NPHP4: variants seen among roughly 807,000 people sequenced by gnomAD.
The protein encoded by NPHP4 is nephrocystin-4.
Under a neutral mutation model 155.8 loss-of-function variants are expected in NPHP4, and 151 were observed. That is an observed-to-expected ratio of 0.97 (90% confidence interval 0.85 to 1.11). NPHP4 has a LOEUF of 1.11. NPHP4 is among the 50% of genes least tolerant of loss of function. The pLI is 0.00. For missense variants in NPHP4, 1,956 were observed against 1,925.7 expected, an observed-to-expected ratio of 1.02 and a Z score of -0.29; for synonymous variants, 845 against 816.8, an observed-to-expected ratio of 1.03 and a Z score of -0.59.
chr1:5,870,508 A>C (rs184196087), intron 23 of NPHP4, among the ~76,000 whole-genome samples: 16 of 152,340 alleles, frequency 1.1e-4, no homozygotes, highest in African/African-American at 3.1e-4. Context: ...GGGCCAGGTC[A>C]TCAGTGCACA....
At chr1:5,981,974 T>C (rs904913831) in intron 2 of NPHP4, among the ~76,000 whole-genome samples, 1 of 152,252 alleles carries the variant, frequency 6.6e-6, no homozygotes, top group Non-Finnish European at 1.5e-5. Flanking sequence ...TCCTCCTCTA[T>C]TTTCTGAGTT....
intron 9 of NPHP4, among the ~76,000 whole-genome samples, chr1:5,942,580 T>A (rs796170741): frequency 0.032 from 617 of 19,476 alleles, no homozygotes; most frequent in Middle Eastern, 0.079. Context: ...AATAAAATCA[T>A]AAATGACAAA....
intron 5 of NPHP4, among the ~76,000 whole-genome samples, chr1:5,964,942 T>TATATATATATATATATA (rs1553194795): frequency 1.3e-4 from 6 of 44,500 alleles, no homozygotes; most frequent in South Asian, 6.4e-4. Context: ...TATATATATA[T>TATATATATATATATATA]TTTTTTTTTT....
chr1:5,938,510 C>T (rs181694685), intron 9 of NPHP4, among the ~76,000 whole-genome samples: 2 of 152,308 alleles, frequency 1.3e-5, no homozygotes, highest in East Asian at 1.9e-4. Context: ...TGAGTCCAAA[C>T]GAGACGGACA....
intron 17 of NPHP4, chr1:5,888,659 G>A: frequency 7.8e-6 from 10 of 1,289,902 alleles, no homozygotes; most frequent in Non-Finnish European, 9.2e-6. Flanking sequence ...GCTTCTCCAA[G>A]AGGCAAGGAA....
rs377596131 is a variant in NPHP4, at chr1:5,947,549, C to G, written c.993-319G>C. ...CAAATTACCAAAGCTTGCCTGCAGGCCTGATACGGCCAAGTTACCAGGAAA... is the reference window on the plus strand; with the variant it reads ...CAAATTACCAAAGCTTGCCTGCAGGGCTGATACGGCCAAGTTACCAGGAAA... On this transcript the variant is annotated intron_variant, in intron 8 of 29. Coordinates refer to ENST00000378156, the MANE Select transcript of NPHP4 (RefSeq NM_015102.5). Among the ~76,000 whole-genome samples, 35 of 152,344 alleles carry G rather than the reference C, an allele frequency of 2.3e-4. No homozygotes were observed. In the East Asian group the frequency reaches 6.7e-3, roughly 29 times the overall value.
At chr1:5,969,792 C>A (rs1485929758) in intron 3 of NPHP4, among the ~76,000 whole-genome samples, 1 of 152,208 alleles carries the variant, frequency 6.6e-6, no homozygotes, top group African/African-American at 2.4e-5. Context: ...TCGTGCGTAA[C>A]CATTTTGAGT....
rs531607950 is a variant in NPHP4, at chr1:5,864,358, G to A, written c.3976C>T (p.Arg1326Cys). 14 of 1,608,062 alleles carry A rather than the reference G, an allele frequency of 8.7e-6. No individual in the cohort carries two copies. The highest frequency in any genetic ancestry group is 7.7e-5 in the South Asian group (7 of 90,662). ...CAGACCTTGGAGATGAGCGGCTGGC[G>A]GCAGCAGAGGCACACGAGCCAGGAG... Reference protein sequence around the residue: ...VASWLVCLCCRQPLISKAFEI... With the variant: ...VASWLVCLCCCQPLISKAFEI... The change falls in exon 28 of 30, where the codon CGC becomes TGC. Residue 1326 changes from arginine (R) to cysteine (C), a missense_variant. By Grantham distance (180) the Arg-to-Cys change is radical. Coordinates refer to ENST00000378156, the MANE Select transcript of NPHP4 (RefSeq NM_015102.5).
intron 22 of NPHP4, chr1:5,873,737 G>A (rs1286084726): frequency 2.0e-5 from 6 of 294,436 alleles, no homozygotes; most frequent in African/African-American, 2.3e-5. Flanking sequence ...ACCCCATGCC[G>A]GCCTCACGCA....
intron 10 of NPHP4, 47 bp from the exon 11 acceptor site, chr1:5,927,834 C>T (rs142265695): frequency 1.1e-5 from 18 of 1,567,970 alleles, no homozygotes; most frequent in Middle Eastern, 1.7e-4. Context: ...TTCATCAGCA[C>T]GCCTATCAGA....
intron 16 of NPHP4, among the ~76,000 whole-genome samples, chr1:5,901,992 G>C (rs989824355): frequency 7.2e-5 from 11 of 152,176 alleles, no homozygotes; most frequent in Non-Finnish European, 1.3e-4. Flanking sequence ...GGCCATAAAC[G>C]TAATGATGAA....
At chr1:5,888,561 T>A in intron 17 of NPHP4, 1 of 1,351,076 alleles carries the variant, frequency 7.4e-7, no homozygotes, top group Non-Finnish European at 9.8e-7. Flanking sequence ...TAGACATCGA[T>A]GATTCCGGAA....
At chr1:5,960,269 C>G (rs964584576) in intron 6 of NPHP4, among the ~76,000 whole-genome samples, 1 of 152,158 alleles carries the variant, frequency 6.6e-6, no homozygotes, top group Non-Finnish European at 1.5e-5. Flanking sequence ...GTTCATTCCT[C>G]CCTTCTCATT....
At chr1:5,880,560 G>T in intron 18 of NPHP4, 1 of 344,194 alleles carries the variant, frequency 2.9e-6, no homozygotes, top group Non-Finnish European at 5.6e-6. Context: ...CGCAAGGCGG[G>T]CTGCCTCACA....
chr1:5,915,625 A>G (rs1195940046), intron 11 of NPHP4, among the ~76,000 whole-genome samples: 1 of 152,140 alleles, frequency 6.6e-6, no homozygotes, highest in Non-Finnish European at 1.5e-5. Context: ...AGGAGTCCAG[A>G]TCGCAGGCAG....
intron 11 of NPHP4, among the ~76,000 whole-genome samples, chr1:5,921,916 G>GT (rs1557741152): frequency 2.0e-5 from 3 of 152,226 alleles, no homozygotes; most frequent in Admixed American, 6.5e-5. Context: ...GGTAAGCGGA[G>GT]TAACTGCTGC....
At chr1:5,906,033 T>G (rs1361679579) in intron 13 of NPHP4, among the ~76,000 whole-genome samples, 4 of 152,244 alleles carry the variant, frequency 2.6e-5, no homozygotes, top group Non-Finnish European at 4.4e-5. Flanking sequence ...GAGGTTCAAA[T>G]TTAACTGGGC....
In NPHP4 at chr1:5,895,304, C is replaced by T. The variant is rs563151792; in HGVS notation, c.2144-4276G>A. Among the ~76,000 whole-genome samples, 6 of 150,008 alleles carry T rather than the reference C, an allele frequency of 4.0e-5. No homozygotes were observed. The East Asian group carries it at 5.9e-4, about 15-fold the overall frequency. On this transcript the variant is annotated intron_variant, in intron 16 of 29. Coordinates refer to ENST00000378156, the MANE Select transcript of NPHP4 (RefSeq NM_015102.5). ...AAATGTAACAAACCTGCACGTTGGGCACGTGTACCCTAGAATTTAAAGTAT... is the reference window on the plus strand; with the variant it reads ...AAATGTAACAAACCTGCACGTTGGGTACGTGTACCCTAGAATTTAAAGTAT...
chr1:5,887,240 G>A (rs1332101524), intron 18 of NPHP4, 46 bp downstream of exon 18: 2 of 1,552,644 alleles, frequency 1.3e-6, no homozygotes, highest in African/African-American at 2.7e-5. Context: ...CTACCAGAGG[G>A]GTTGGGCGGC....
Sources: allele counts gnomAD v4.1 joint callset (sites outside exome capture counted in the v4.1 genomes callset), GRCh38; gene constraint gnomAD v4.1.1; transcripts MANE v1.5; gene names NCBI Gene and HGNC (gene_info 2026-07-23, HGNC 2026-07-21).